The following WNK2 variants were observed in gnomAD, a reference collection of about 807,000 sequenced individuals.
WNK2 encodes the protein WNK lysine deficient protein kinase 2.
In WNK2, 67 loss-of-function variants were observed where a neutral mutation model predicts 192.1. That is an observed-to-expected ratio of 0.35 (90% CI 0.29 to 0.43). The LOEUF (loss-of-function observed/expected upper bound fraction) is 0.43. Among genes scored for constraint, WNK2 ranks in the 20% least tolerant of loss-of-function variants. The probability of loss-of-function intolerance (pLI) is 1.00; values close to 1 mark genes in which losing one functional copy is unlikely to be tolerated. For missense variants in WNK2, 2,698 were observed against 3,089.7 expected, an observed-to-expected ratio of 0.87 and a Z score of 3.01; for synonymous variants, 1,439 against 1,393.9, an observed-to-expected ratio of 1.03 and a Z score of -0.72.
At chr9:93,299,600 C>T (rs1851234279) in intron 25 of WNK2, among the ~76,000 whole-genome samples, 1 of 152,112 alleles carries the variant, frequency 6.6e-6, no homozygotes, top group Non-Finnish European at 1.5e-5. Context: ...CTGCCCCACC[C>T]CCACCCCCAC....
intron 14 of WNK2, 113 bp downstream of exon 14, chr9:93,262,832 G>A (rs1844515226): frequency 1.2e-5 from 14 of 1,205,574 alleles, no homozygotes; most frequent in African/African-American, 4.5e-5. Flanking sequence ...AGTTTGCCCT[G>A]ATGCCATTAG....
At chr9:93,275,731 A>G (rs1239477587) in intron 19 of WNK2, among the ~76,000 whole-genome samples, 4 of 152,260 alleles carry the variant, frequency 2.6e-5, no homozygotes, top group African/African-American at 9.6e-5. Context: ...AACAACTTCT[A>G]GAACTAATAA....
At chr9:93,319,439 G>A (rs934676409) in intron 29 of WNK2, 1 of 983,202 alleles carries the variant, frequency 1.0e-6, no homozygotes, top group Non-Finnish European at 1.2e-6. Context: ...CGCCAGCTGT[G>A]GCCTGGGCCC....
intron 19 of WNK2, among the ~76,000 whole-genome samples, chr9:93,286,059 A>G (rs1309433312): frequency 6.6e-6 from 1 of 152,206 alleles, no homozygotes; most frequent in African/African-American, 2.4e-5. Context: ...AAAACAGTAA[A>G]GTTCCTAGAA....
At chr9:93,272,816 G>C (rs1037707453) in intron 19 of WNK2, among the ~76,000 whole-genome samples, 15 of 143,426 alleles carry the variant, frequency 1.0e-4, no homozygotes, top group Non-Finnish European at 1.9e-4. Context: ...TTAAAAAACA[G>C]AGAGAAAAAA....
At position 93,259,166 on chromosome 9, in the gene WNK2, G is replaced by T. The variant is rs1332847221; in HGVS notation, c.2618G>T (p.Cys873Phe). 6.2e-7 allele frequency: 1 copy of T among 1,611,860 alleles called. No homozygotes were observed. Residue 873 changes from cysteine to phenylalanine, a missense_variant, in exon 12 of 30, where the codon TGC becomes TTC. Cys to Phe is a radical substitution (Grantham distance 205). Around this residue, in one of 7 missense-constraint regions of WNK2, gnomAD observed 893 missense variants for 909.0 expected, o/e 0.98. Coordinates refer to ENST00000427277, the MANE Select transcript of WNK2 (RefSeq NM_006648.4). The surrounding 1 kb of genome is among the most constrained non-coding windows in gnomAD (Gnocchi z 4.8). ...HPPGAPLAMP[C>F]RTIVPNAPAT... Reference sequence around the variant, plus strand: ...CCTGGGGCGCCCCTGGCCATGCCCTGCCGGACCATTGTGCCAAATGCACCG... The same window carrying T: ...CCTGGGGCGCCCCTGGCCATGCCCTTCCGGACCATTGTGCCAAATGCACCG...
intron 19 of WNK2, among the ~76,000 whole-genome samples, chr9:93,282,806 A>G (rs1173338380): frequency 6.6e-6 from 1 of 152,220 alleles, no homozygotes; most frequent in African/African-American, 2.4e-5. Flanking sequence ...CAGAATTAGT[A>G]TCTTATATAT....
At chr9:93,210,428 G>A (rs577777951) in intron 2 of WNK2, among the ~76,000 whole-genome samples, 2 of 152,174 alleles carry the variant, frequency 1.3e-5, no homozygotes, top group South Asian at 2.1e-4. Context: ...GGGTCAGGGC[G>A]GCTGTCAGGG....
In WNK2 at chr9:93,262,127, G is replaced by T; in HGVS notation, c.3360+20G>T. On this transcript the variant is annotated intron_variant, in intron 13 of 29. Coordinates refer to ENST00000427277, the MANE Select transcript of WNK2 (RefSeq NM_006648.4). Reference sequence around the variant, plus strand: ...CAAGAGGTGTGTGCCCCTCCCCCCAGCCTGTCCCATGACTGGGCAGTTGCG... The same window carrying T: ...CAAGAGGTGTGTGCCCCTCCCCCCATCCTGTCCCATGACTGGGCAGTTGCG... The T allele has an allele frequency of 6.4e-7, 1 of 1,561,022 alleles. No homozygotes were observed. Among genetic ancestry groups the T allele is most frequent in the Non-Finnish European group, 8.7e-7 (1 of 1,147,768 alleles).
intron 14 of WNK2, chr9:93,263,330 G>T: frequency 1.7e-6 from 1 of 580,694 alleles, no homozygotes; most frequent in Non-Finnish European, 3.1e-6. Flanking sequence ...TCAAGGTAAC[G>T]CAGCTAGTAG....
At chr9:93,192,819 G>A (rs1485303330) in intron 2 of WNK2, among the ~76,000 whole-genome samples, 1 of 152,226 alleles carries the variant, frequency 6.6e-6, no homozygotes, top group Non-Finnish European at 1.5e-5. Flanking sequence ...ATGAGTCCAC[G>A]GTTTGGGTGG....
intron 1 of WNK2, among the ~76,000 whole-genome samples, 54 bp downstream of exon 1, chr9:93,184,439 G>T (rs1428242321): frequency 6.6e-6 from 1 of 151,304 alleles, no homozygotes; most frequent in Non-Finnish European, 1.5e-5. Flanking sequence ...TGCGCGCCGC[G>T]GCGCTGCAGC....
intron 2 of WNK2, among the ~76,000 whole-genome samples, chr9:93,200,748 G>A (rs1255020600): frequency 6.6e-6 from 1 of 152,190 alleles, no homozygotes; most frequent in Non-Finnish European, 1.5e-5. Flanking sequence ...GTGGTTGCAG[G>A]TGGGTTCTGT....
chr9:93,319,823 G>C (rs1165527184), intron 29 of WNK2, among the ~76,000 whole-genome samples: 1 of 152,196 alleles, frequency 6.6e-6, no homozygotes, highest in South Asian at 2.1e-4. Context: ...CATCCTGTGG[G>C]ACTCAGCGCA....
intron 29 of WNK2, 139 bp downstream of exon 29, chr9:93,317,770 C>A (rs764880875): frequency 1.4e-6 from 2 of 1,454,062 alleles, no homozygotes; most frequent in Non-Finnish European, 1.9e-6. Context: ...AGCTGGAACA[C>A]CCCCCAGGTG....
At chr9:93,309,591 C>G (rs1024702903) in intron 28 of WNK2, among the ~76,000 whole-genome samples, 6 of 152,180 alleles carry the variant, frequency 3.9e-5, no homozygotes, top group Non-Finnish European at 7.3e-5. Flanking sequence ...TTGGTGATTT[C>G]TGCCTCCTCT....
At position 93,292,217 on chromosome 9, in the gene WNK2, G is replaced by A. The variant is rs992701472; in HGVS notation, c.4937-91G>A. On this transcript the variant is annotated intron_variant, in intron 21 of 29. Coordinates refer to ENST00000427277, the MANE Select transcript of WNK2 (RefSeq NM_006648.4). The stretch of plus-strand genomic sequence containing the variant: ...CTGCCTGTCTGGAGGCACTCCCATG[G>A]GATCACTTTGGGCTGCTTCGGGTCA... 1.4e-5 allele frequency: 19 copies of A among 1,359,650 alleles called. No individual in the cohort carries two copies. In the East Asian group the frequency reaches 4.4e-4, roughly 31 times the overall value. The allele number at this position is 1,359,650 out of a possible 1,614,324, so 84.2% of individuals were successfully genotyped here. A position where few individuals can be genotyped will look rare whatever the true frequency, so the allele number is the denominator to read the frequency against.
intron 2 of WNK2, among the ~76,000 whole-genome samples, chr9:93,208,421 C>G (rs145323722): frequency 5.9e-5 from 9 of 152,324 alleles, no homozygotes; most frequent in African/African-American, 1.7e-4. Context: ...GCTGGTTTCT[C>G]TGTGTGCACG....
At chr9:93,195,699 C>CAAAAAAAAAAAAAAAAAAAAAAAAAAAAA (rs59357990) in intron 2 of WNK2, among the ~76,000 whole-genome samples, 4 of 41,670 alleles carry the variant, frequency 9.6e-5, no homozygotes, top group African/African-American at 2.3e-4. Flanking sequence ...GACTTTGTCT[C>CAAAAAAAAAAAAAAAAAAAAAAAAAAAAA]AAAAAAAAAA....
Sources: allele counts gnomAD v4.1 joint callset (sites outside exome capture counted in the v4.1 genomes callset), GRCh38; gene constraint gnomAD v4.1.1; regional missense constraint gnomAD v4.1.1; non-coding constraint Gnocchi (gnomAD v3.1); transcripts MANE v1.5; gene names NCBI Gene and HGNC (gene_info 2026-07-23, HGNC 2026-07-21).